The following TTBK2 variants were observed in gnomAD, a reference collection of about 807,000 sequenced individuals.
TTBK2 encodes tau-tubulin kinase 2.
TTBK2 carries 28 observed loss-of-function variants against 110.8 expected under a neutral mutation model. That is an observed-to-expected ratio of 0.25 (90% CI 0.19 to 0.35). The LOEUF (loss-of-function observed/expected upper bound fraction) is 0.35, where lower values mean the gene tolerates loss of function less well. Ranked by LOEUF, TTBK2 falls within the 10% of genes least tolerant of loss-of-function variation. The pLI is 1.00. For missense variants in TTBK2, 1,369 were observed against 1,500.3 expected (o/e 0.91, Z 1.45); for synonymous variants, 532 against 527.3 (o/e 1.01, Z -0.12).
intron 1 of TTBK2, among the ~76,000 whole-genome samples, chr15:42,881,346 C>CA (rs199903053): frequency 0.012 from 946 of 80,190 alleles, 2 homozygotes; most frequent in Middle Eastern, 0.03. Flanking sequence ...ACTCAAATTT[C>CA]AAAAAAAAAA....
At position 42,752,209 on chromosome 15, in the gene TTBK2, G is replaced by A. The variant is rs903031654; in HGVS notation, c.3037C>T (p.Pro1013Ser). ...LEEKLATVPA[P>S]FCEEEVLTPF... ...GTGAGCACTTCCTCCTCACAAAAGGGAGCAGGAACAGTAGCTAGTTTCTCC... is the reference window on the plus strand; with the variant it reads ...GTGAGCACTTCCTCCTCACAAAAGGAAGCAGGAACAGTAGCTAGTTTCTCC... The change falls in exon 14 of 15, where the codon CCC becomes TCC. Residue 1013 changes from proline (P) to serine (S), a missense_variant. Coordinates refer to ENST00000267890, the MANE Select transcript of TTBK2 (RefSeq NM_173500.4). 3 of 1,614,098 alleles carry A rather than the reference G, an allele frequency of 1.9e-6. No individual in the cohort carries two copies. The highest frequency in any genetic ancestry group is 2.5e-6 in the Non-Finnish European group (3 of 1,179,980).
At chr15:42,857,868 A>C (rs1314414235) in intron 3 of TTBK2, among the ~76,000 whole-genome samples, 1 of 152,016 alleles carries the variant, frequency 6.6e-6, no homozygotes, top group Non-Finnish European at 1.5e-5. Context: ...GGATCACCTG[A>C]GATCACGAGT....
At chr15:42,802,191 G>T in intron 9 of TTBK2, 1 of 1,115,190 alleles carries the variant, frequency 9.0e-7, no homozygotes, top group Non-Finnish European at 1.4e-6. Context: ...GGTTAAGAGG[G>T]CTCAGCAGGC....
chr15:42,775,291 T>C lies in TTBK2; in HGVS notation c.1842A>G (p.Ser614=), dbSNP rs376681856. The part of the protein sequence containing the change: ...AENDHLKKET[S]GVVLALSAEG... The stretch of plus-strand genomic sequence containing the variant: ...CTGCAGAAAGTGCTAAGACCACACC[T>C]GAGGTTTCCTTCTTTAAATGATCAT... The change falls in exon 13 of 15, where the codon TCA becomes TCG. Residue 614 remains serine, a synonymous_variant. Transcript: ENST00000267890. 13 of 1,614,190 alleles carry C rather than the reference T, an allele frequency of 8.1e-6. No homozygotes were observed. The South Asian group carries it at 1.1e-4, about 14-fold the overall frequency.
intron 1 of TTBK2, among the ~76,000 whole-genome samples, chr15:42,896,005 T>C (rs1895652678): frequency 6.6e-6 from 1 of 152,094 alleles, no homozygotes; most frequent in South Asian, 2.1e-4. Flanking sequence ...CAAATGATAT[T>C]TGACAAAGAT....
chr15:42,836,937 C>T (rs1359264438), intron 4 of TTBK2, among the ~76,000 whole-genome samples: 1 of 152,126 alleles, frequency 6.6e-6, no homozygotes, highest in Non-Finnish European at 1.5e-5. Context: ...CTTGTTCTCT[C>T]CTCCCCATGG....
intron 3 of TTBK2, among the ~76,000 whole-genome samples, chr15:42,848,775 C>T (rs1031102198): frequency 6.6e-6 from 1 of 152,220 alleles, no homozygotes; most frequent in African/African-American, 2.4e-5. Context: ...CAGGCGTGAG[C>T]CACTGTGCCC....
chr15:42,786,458 A>C (rs1047719549), intron 10 of TTBK2, among the ~76,000 whole-genome samples: 5 of 152,194 alleles, frequency 3.3e-5, no homozygotes, highest in Non-Finnish European at 7.4e-5. Flanking sequence ...GAACTCAAGA[A>C]GCTTAGTCTA....
chr15:42,872,877 T>A, intron 2 of TTBK2, 119 bp from the exon 3 acceptor site: 1 of 1,209,520 alleles, frequency 8.3e-7, no homozygotes, highest in Non-Finnish European at 1.1e-6. Context: ...GATAAAATAT[T>A]TAAATATTGT....
intron 1 of TTBK2, among the ~76,000 whole-genome samples, chr15:42,890,237 T>C (rs28646262): frequency 0.42 from 63,776 of 152,070 alleles, 16,086 homozygotes; most frequent in African/African-American, 0.71. Context: ...CTAATGATAA[T>C]CCCACAACCC....
intron 9 of TTBK2, among the ~76,000 whole-genome samples, chr15:42,798,451 TAA>T (rs1325802009): frequency 6.6e-6 from 1 of 152,230 alleles, no homozygotes. Context: ...ATTTAGAGTC[TAA>T]GTTTCTCAAA....
chr15:42,752,958 T>C lies in TTBK2; in HGVS notation c.2288A>G (p.Asn763Ser). 1.2e-6 allele frequency: 2 copies of C among 1,614,216 alleles called. No homozygotes were observed. The highest frequency in any genetic ancestry group is 1.7e-6 in the Non-Finnish European group (2 of 1,180,032). Reference protein sequence around the residue: ...DLGPKELPDHNRLVVREFENL... With the variant: ...DLGPKELPDHSRLVVREFENL... ...TTCAAATTCTCTCACAACCAGTCTA[T>C]TATGATCAGGAAGTTCTTTTGGTCC... The change falls in exon 14 of 15, where the codon AAT becomes AGT. Residue 763 changes from asparagine to serine, a missense_variant. Asn to Ser is a conservative substitution (Grantham distance 46). Transcript: ENST00000267890.
chr15:42,868,076 A>C (rs1894452778), intron 3 of TTBK2, among the ~76,000 whole-genome samples: 1 of 152,220 alleles, frequency 6.6e-6, no homozygotes, highest in South Asian at 2.1e-4. Context: ...GAGAAGGTAA[A>C]ATTAAAGAGA....
At chr15:42,808,168 T>C (rs899077414) in intron 9 of TTBK2, among the ~76,000 whole-genome samples, 1 of 152,180 alleles carries the variant, frequency 6.6e-6, no homozygotes, top group Non-Finnish European at 1.5e-5. Context: ...AGATTCCTGG[T>C]AGAAAACAAA....
In TTBK2 at chr15:42,741,207, G is replaced by C. The variant is rs1049505084; in HGVS notation, c.*4588C>G. ...TTCCTTATCCTCAAGGCACACACCAGAGTTCCACTGGGTGAGGACAGGGAA... is the reference window on the plus strand; with the variant it reads ...TTCCTTATCCTCAAGGCACACACCACAGTTCCACTGGGTGAGGACAGGGAA... On this transcript the variant is annotated 3_prime_UTR_variant, in exon 15 of 15. Coordinates refer to ENST00000267890, the MANE Select transcript of TTBK2 (RefSeq NM_173500.4). 1 of 152,216 alleles carries C rather than the reference G, an allele frequency of 6.6e-6. No homozygotes were observed. The highest frequency in any genetic ancestry group is 1.5e-5 in the Non-Finnish European group (1 of 68,038). 9.4% of individuals were successfully genotyped at this position (152,216 alleles called of 1,614,324 possible). A position where few individuals can be genotyped will look rare whatever the true frequency, so the allele number is the denominator to read the frequency against.
At chr15:42,758,571 C>T (rs2061977721) in intron 13 of TTBK2, among the ~76,000 whole-genome samples, 2 of 148,706 alleles carry the variant, frequency 1.3e-5, no homozygotes, top group African/African-American at 5.0e-5. Flanking sequence ...AGGAGAATCA[C>T]TTGAACCCAT....
At chr15:42,861,018 G>T (rs144319868) in intron 3 of TTBK2, among the ~76,000 whole-genome samples, 1 of 151,864 alleles carries the variant, frequency 6.6e-6, no homozygotes, top group Non-Finnish European at 1.5e-5. Context: ...GACAAAGAAG[G>T]GTATTATATA....
rs537495117 is a variant in TTBK2 at position 42,743,084 on chromosome 15, A to G, written c.*2711T>C. On this transcript the variant is annotated 3_prime_UTR_variant, in exon 15 of 15. Coordinates refer to ENST00000267890, the MANE Select transcript of TTBK2 (RefSeq NM_173500.4). Reference sequence around the variant, plus strand: ...AATCTCTACATAGGACAATACTTATAAGCAGACCTATTGATACCACTTATA... The same window carrying G: ...AATCTCTACATAGGACAATACTTATGAGCAGACCTATTGATACCACTTATA... 1 of 152,348 alleles carries G rather than the reference A, an allele frequency of 6.6e-6. No homozygotes were observed. Among genetic ancestry groups the G allele is most frequent in the East Asian group, 1.9e-4 (1 of 5,188 alleles). 9.4% of individuals were successfully genotyped at this position (152,348 alleles called of 1,614,324 possible). A position where few individuals can be genotyped will look rare whatever the true frequency, so the allele number is the denominator to read the frequency against.
intron 3 of TTBK2, among the ~76,000 whole-genome samples, chr15:42,866,442 G>A (rs1017534550): frequency 7.2e-5 from 11 of 152,030 alleles, no homozygotes; most frequent in African/African-American, 2.7e-4. Context: ...GAACTGTAAG[G>A]AGAAAGATGA....
Sources: allele counts gnomAD v4.1 joint callset (sites outside exome capture counted in the v4.1 genomes callset), GRCh38; gene constraint gnomAD v4.1.1; transcripts MANE v1.5; gene names NCBI Gene and HGNC (gene_info 2026-07-23, HGNC 2026-07-21).